Variants in RADIL observed in about 807,000 individuals in gnomAD.
RADIL encodes Rap associating with DIL domain.
Under a neutral mutation model 97.6 loss-of-function variants are expected in RADIL, and 99 were observed. The observed-to-expected ratio is 1.01, with a 90% CI of 0.86 to 1.20. The LOEUF is 1.20. Ranked by LOEUF, RADIL falls within the 50% of genes most tolerant of loss-of-function variation. The pLI is 0.00. For synonymous variants in RADIL, 803 were observed against 691.8 expected (o/e 1.16, Z -2.52); for missense variants, 1,765 against 1,498.9 (o/e 1.18, Z -2.93).
chr7:4,836,709 G>C (rs1783311122), intron 2 of RADIL, 104 bp from the exon 3 acceptor site: 6 of 1,474,338 alleles, frequency 4.1e-6, no homozygotes, highest in Admixed American at 4.1e-5. Flanking sequence ...AGGCCGAGGT[G>C]GGGGGATCGC....
At chr7:4,805,491 A>G (rs1318811323) in intron 10 of RADIL, 75 bp downstream of exon 10, 13 of 1,473,386 alleles carry the variant, frequency 8.8e-6, no homozygotes, top group Non-Finnish European at 9.9e-6. Flanking sequence ...TTGGGATGAG[A>G]GCATGCTGCC....
At chr7:4,838,604 C>T (rs904425694) in intron 2 of RADIL, among the ~76,000 whole-genome samples, 1 of 152,166 alleles carries the variant, frequency 6.6e-6, no homozygotes, top group Admixed American at 6.5e-5. Flanking sequence ...CTCTGCAGGT[C>T]GGAACCAATG....
chr7:4,805,231 A>G (rs1782262022), intron 10 of RADIL: 1 of 330,274 alleles, frequency 3.0e-6, no homozygotes, highest in Non-Finnish European at 5.6e-6. Flanking sequence ...GCTGTGTACC[A>G]CCATTGCTCC....
At chr7:4,802,091 C>T in intron 11 of RADIL, 96 bp from the exon 12 acceptor site, 1 of 1,087,320 alleles carries the variant, frequency 9.2e-7, no homozygotes. Context: ...GGCCGCCAGG[C>T]CGCGGGGCAG....
At position 4,818,621 on chromosome 7, in the gene RADIL, A is replaced by G. The variant is rs1274857414; in HGVS notation, c.1616-1270T>C. On this transcript the variant is annotated intron_variant, in intron 6 of 14. Coordinates refer to ENST00000399583, the MANE Select transcript of RADIL (RefSeq NM_018059.5). The surrounding 1 kb of genome is among the most constrained non-coding windows in gnomAD (Gnocchi z 7.1). ...AGCCTCCAGGCCTGTGGAGACACAC[A>G]AGGTGGCCCGACGGCGCCCACAGCG... Among the ~76,000 whole-genome samples the G allele has an allele frequency of 1.3e-5, 2 of 152,220 alleles. No homozygotes were observed. The highest frequency in any genetic ancestry group is 4.8e-5 in the African/African-American group (2 of 41,530).
intron 5 of RADIL, among the ~76,000 whole-genome samples, chr7:4,827,619 C>CAA (rs1296598102): frequency 2.6e-5 from 4 of 152,164 alleles, no homozygotes; most frequent in Admixed American, 6.5e-5. Context: ...CGAGATCGTG[C>CAA]CACTGTACTC....
rs184758594 is a variant in RADIL at position 4,849,909 on chromosome 7, T to A, written c.536-13304A>T. ...AGTATTATGTCCTAGTTTAATTGTATTTTTTATGGTGGTTAACACTGGTGA... is the reference window on the plus strand; with the variant it reads ...AGTATTATGTCCTAGTTTAATTGTAATTTTTATGGTGGTTAACACTGGTGA... On this transcript the variant is annotated intron_variant, in intron 2 of 14. Transcript: ENST00000399583. This position sits in a 1 kb window ranked among gnomAD's most constrained non-coding sequence, Gnocchi z 5.4. Among the ~76,000 whole-genome samples the A allele has an allele frequency of 2.6e-5, 4 of 152,130 alleles. No individual in the cohort carries two copies. Among genetic ancestry groups the A allele is most frequent in the African/African-American group, 9.6e-5 (4 of 41,462 alleles).
chr7:4,821,097 G>A lies in RADIL; in HGVS notation c.1615+1297C>T, dbSNP rs896618660. Among the ~76,000 whole-genome samples the A allele has an allele frequency of 1.3e-5, 2 of 152,202 alleles. No homozygotes were observed. Among genetic ancestry groups the A allele is most frequent in the African/African-American group, 4.8e-5 (2 of 41,456 alleles). On this transcript the variant is annotated intron_variant, in intron 6 of 14. Transcript: ENST00000399583. The surrounding 1 kb of genome is among the most constrained non-coding windows in gnomAD (Gnocchi z 5.2). Reference sequence around the variant, plus strand: ...GCAGCGTCTGGTAGACTGAGCCTGTGGGAGCTCCTGTCCCTGCACACCGGG... The same window carrying A: ...GCAGCGTCTGGTAGACTGAGCCTGTAGGAGCTCCTGTCCCTGCACACCGGG...
intron 6 of RADIL, among the ~76,000 whole-genome samples, chr7:4,820,629 A>T (rs557662328): frequency 6.6e-6 from 1 of 152,300 alleles, no homozygotes; most frequent in Non-Finnish European, 1.5e-5. Flanking sequence ...GGGGAGAAGG[A>T]AACAGTGGGA....
intron 2 of RADIL, among the ~76,000 whole-genome samples, chr7:4,874,414 A>G (rs1480210362): frequency 6.6e-6 from 1 of 152,232 alleles, no homozygotes; most frequent in African/African-American, 2.4e-5. Context: ...GCAGAGGCTC[A>G]ATAACCGTTC....
intron 2 of RADIL, among the ~76,000 whole-genome samples, chr7:4,852,350 C>T (rs919712709): frequency 7.2e-5 from 11 of 152,174 alleles, no homozygotes; most frequent in East Asian, 5.8e-4. Flanking sequence ...GGCCTTGGAA[C>T]GGAACAAAAG....
chr7:4,856,753 T>C (rs1165851296), intron 2 of RADIL, among the ~76,000 whole-genome samples: 1 of 152,254 alleles, frequency 6.6e-6, no homozygotes. Flanking sequence ...CCAATGCTTA[T>C]TTGAGAATAA....
intron 2 of RADIL, among the ~76,000 whole-genome samples, chr7:4,868,456 G>C (rs1362575204): frequency 6.6e-6 from 1 of 152,178 alleles, no homozygotes; most frequent in African/African-American, 2.4e-5. Flanking sequence ...CCTTGTACTA[G>C]AGGGTGCAAA....
chr7:4,841,043 G>C (rs1783426721), intron 2 of RADIL, among the ~76,000 whole-genome samples: 1 of 152,234 alleles, frequency 6.6e-6, no homozygotes, highest in Non-Finnish European at 1.5e-5. Flanking sequence ...CAAAATGGCA[G>C]GACGGCCGCA....
In RADIL at chr7:4,801,872, G is replaced by T. The variant is rs758342576; in HGVS notation, c.2623C>A (p.Pro875Thr). 4.0e-5 allele frequency: 63 copies of T among 1,590,174 alleles called. No homozygotes were observed. Among genetic ancestry groups the T allele is most frequent in the Non-Finnish European group, 5.1e-5 (60 of 1,168,940 alleles). ...CTTCCAGGGGGGGCCTGTGCCCAGGGAGCCCCCCTCAAGGGAAGAGTACGC... is the reference window on the plus strand; with the variant it reads ...CTTCCAGGGGGGGCCTGTGCCCAGGTAGCCCCCCTCAAGGGAAGAGTACGC... Reference protein sequence around the residue: ...PERTLPLRGAPWAQAPPGRQP... With the variant: ...PERTLPLRGATWAQAPPGRQP... Residue 875 changes from proline (P) to threonine (T), a missense_variant, in exon 12 of 15, where the codon CCC becomes ACC. Physicochemically the swap from Pro to Thr is conservative, Grantham distance 38 (BLOSUM62 -1). Transcript: ENST00000399583.
rs966374566 is a variant in RADIL at position 4,819,405 on chromosome 7, T to C, written c.1616-2054A>G. Among the ~76,000 whole-genome samples, 1 of 151,918 alleles carries C rather than the reference T, an allele frequency of 6.6e-6. No individual in the cohort carries two copies. The highest frequency in any genetic ancestry group is 1.5e-5 in the Non-Finnish European group (1 of 67,990). ...AAACCCCCGGAGACGCCTCTCCCTGTGGTACCAGGGCTGGTGGGCATTTCT... is the reference window on the plus strand; with the variant it reads ...AAACCCCCGGAGACGCCTCTCCCTGCGGTACCAGGGCTGGTGGGCATTTCT... On this transcript the variant is annotated intron_variant, in intron 6 of 14. Transcript: ENST00000399583. This position sits in a 1 kb window ranked among gnomAD's most constrained non-coding sequence, Gnocchi z 5.8.
At chr7:4,868,880 A>G (rs1209846249) in intron 2 of RADIL, among the ~76,000 whole-genome samples, 2 of 152,230 alleles carry the variant, frequency 1.3e-5, no homozygotes, top group African/African-American at 4.8e-5. Flanking sequence ...TAATCCCAGC[A>G]CTTTGGGAGG....
chr7:4,805,070 G>T (rs974165688), intron 10 of RADIL, among the ~76,000 whole-genome samples: 46 of 152,142 alleles, frequency 3.0e-4, no homozygotes, highest in Non-Finnish European at 2.9e-5. Flanking sequence ...CTCCAGCCTG[G>T]ATGACAGAGC....
rs1476961866 is a variant in RADIL, at chr7:4,798,284, CA to C, written c.*1093del. The C allele has an allele frequency of 1.3e-5, 2 of 152,128 alleles. No homozygotes were observed. Among genetic ancestry groups the C allele is most frequent in the Admixed American group, 6.6e-5 (1 of 15,260 alleles). The allele number at this position is 152,128 out of a possible 1,614,324, so 9.4% of individuals were successfully genotyped here. ...CGCTGCACCTCGCCGTAGCGCACAC[CA>C]GGGGGCAGCGTGGAGCTGCACGAGG... On this transcript the variant is annotated 3_prime_UTR_variant, in exon 15 of 15. Coordinates refer to ENST00000399583, the MANE Select transcript of RADIL (RefSeq NM_018059.5).
Sources: gnomAD v4.1 joint callset for allele counts (sites outside exome capture counted in the v4.1 genomes callset) on GRCh38, gnomAD v4.1.1 for gene constraint, Gnocchi (gnomAD v3.1) non-coding constraint, MANE v1.5 for transcripts, NCBI Gene and HGNC (gene_info 2026-07-23, HGNC 2026-07-21) for gene names.